Variants in SYT10 observed in about 807,000 individuals in gnomAD.
SYT10 encodes the protein synaptotagmin-10.
SYT10 carries 31 observed loss-of-function variants against 51.1 expected under a neutral mutation model. The ratio of observed to expected loss-of-function variants is 0.61; its 90% CI spans 0.46 to 0.82. The LOEUF (loss-of-function observed/expected upper bound fraction) is 0.82. Among genes scored for constraint, SYT10 ranks in the 40% least tolerant of loss-of-function variants. SYT10 has a pLI of 0.00. For missense variants in SYT10, 603 were observed against 634.0 expected (o/e 0.95, Z 0.53); for synonymous variants, 233 against 225.9 (o/e 1.03, Z -0.28).
chr12:33,401,962 A>G (rs1866310838), intron 3 of SYT10, among the ~76,000 whole-genome samples: 1 of 152,234 alleles, frequency 6.6e-6, no homozygotes, highest in Non-Finnish European at 1.5e-5. Flanking sequence ...AAATACCTGC[A>G]GAATGTTTAA....
intron 2 of SYT10, among the ~76,000 whole-genome samples, chr12:33,417,282 T>C (rs1866462535): frequency 6.6e-6 from 1 of 151,952 alleles, no homozygotes; most frequent in Non-Finnish European, 1.5e-5. Context: ...GATTAATGAG[T>C]TAATAGATTT....
At chr12:33,425,855 A>G (rs1866545915) in intron 2 of SYT10, among the ~76,000 whole-genome samples, 1 of 152,120 alleles carries the variant, frequency 6.6e-6, no homozygotes, top group African/African-American at 2.4e-5. Context: ...CTGTAGTTAC[A>G]CGATTTTACT....
At chr12:33,435,443 A>G (rs758291745) in intron 1 of SYT10, among the ~76,000 whole-genome samples, 2 of 152,224 alleles carry the variant, frequency 1.3e-5, no homozygotes, top group African/African-American at 2.4e-5. Flanking sequence ...GAGACTAGAC[A>G]TAGTAGAAGT....
chr12:33,414,998 G>A (rs1444760408), intron 2 of SYT10, among the ~76,000 whole-genome samples: 2 of 152,160 alleles, frequency 1.3e-5, no homozygotes, highest in Non-Finnish European at 2.9e-5. Flanking sequence ...GTTGACATGT[G>A]GTTAGAGTCC....
At chr12:33,397,043 G>A (rs1487889275) in intron 3 of SYT10, among the ~76,000 whole-genome samples, 1 of 152,182 alleles carries the variant, frequency 6.6e-6, no homozygotes, top group East Asian at 1.9e-4. Flanking sequence ...TTGAAGCCTT[G>A]TCTTATCATC....
At chr12:33,405,894 T>A (rs1032965084) in intron 3 of SYT10, 3 of 150,666 alleles carry the variant, frequency 2.0e-5, no homozygotes, top group African/African-American at 7.3e-5. Context: ...AAGAACATAA[T>A]TTTTCATATA....
chr12:33,382,875 A>G (rs140677497), intron 4 of SYT10, among the ~76,000 whole-genome samples: 1 of 152,284 alleles, frequency 6.6e-6, no homozygotes, highest in African/African-American at 2.4e-5. Context: ...TTGATAAGGA[A>G]CTTGGATGGA....
chr12:33,386,024 C>A (rs910369282), intron 3 of SYT10, among the ~76,000 whole-genome samples: 7 of 152,016 alleles, frequency 4.6e-5, no homozygotes, highest in African/African-American at 1.7e-4. Flanking sequence ...AAAACATCCC[C>A]GTCCACATTT....
At chr12:33,389,368 A>G (rs578168035) in intron 3 of SYT10, among the ~76,000 whole-genome samples, 2 of 152,296 alleles carry the variant, frequency 1.3e-5, no homozygotes, top group African/African-American at 2.4e-5. Context: ...CTTGAGTTTA[A>G]TTGCAAATAA....
chr12:33,384,822 G>A lies in SYT10; in HGVS notation c.1198+349C>T, dbSNP rs192863196. 7.9e-5 allele frequency among the ~76,000 whole-genome samples: 12 copies of A among 152,208 alleles called. No homozygotes were observed. The East Asian group carries it at 2.1e-3, about 27-fold the overall frequency. On this transcript the variant is annotated intron_variant, in intron 4 of 6. Transcript: ENST00000228567. ...ATTCAGACTAAACATATCTTCACAT[G>A]GCCTCACTCATCGCTTAAGCCTAAG...
intron 5 of SYT10, among the ~76,000 whole-genome samples, 186 bp from the exon 6 acceptor site, chr12:33,380,147 A>C (rs529097088): frequency 6.6e-6 from 1 of 152,344 alleles, no homozygotes; most frequent in South Asian, 2.1e-4. Flanking sequence ...ATCAACATTC[A>C]AAAAATGAAT....
intron 2 of SYT10, chr12:33,408,323 G>A (rs903097595): frequency 6.6e-6 from 1 of 151,658 alleles, no homozygotes; most frequent in Admixed American, 6.6e-5. Flanking sequence ...GAAACTCTAA[G>A]GATAAAAACA....
intron 2 of SYT10, among the ~76,000 whole-genome samples, chr12:33,424,185 AATTACTG>A (rs1866529539): frequency 1.3e-5 from 2 of 152,174 alleles, no homozygotes; most frequent in Admixed American, 1.3e-4. Context: ...AATTTCACAT[AATTACTG>A]AGAAATTCAT....
chr12:33,376,781 T>C lies in SYT10; in HGVS notation c.*49A>G, dbSNP rs1433754462. 2.4e-5 allele frequency: 39 copies of C among 1,604,756 alleles called. No homozygotes were observed. The highest frequency in any genetic ancestry group is 3.2e-5 in the Non-Finnish European group (37 of 1,172,670). On this transcript the variant is annotated 3_prime_UTR_variant, in exon 7 of 7. Coordinates refer to ENST00000228567, the MANE Select transcript of SYT10 (RefSeq NM_198992.4). Reference sequence around the variant, plus strand: ...ACCTTCCACTTTTTTTCTGATTCAATGAGCACGTGATCCTAGATGCTTAAT... The same window carrying C: ...ACCTTCCACTTTTTTTCTGATTCAACGAGCACGTGATCCTAGATGCTTAAT...
At chr12:33,431,631 T>C (rs1379138069) in intron 1 of SYT10, among the ~76,000 whole-genome samples, 3 of 152,214 alleles carry the variant, frequency 2.0e-5, no homozygotes, top group Non-Finnish European at 4.4e-5. Context: ...ATCTTAGTAT[T>C]GACGGCTTGT....
At chr12:33,390,724 G>A (rs552671618) in intron 3 of SYT10, among the ~76,000 whole-genome samples, 6 of 152,006 alleles carry the variant, frequency 3.9e-5, no homozygotes, top group African/African-American at 9.6e-5. Context: ...TCATTAGCAC[G>A]GTCATGTTTA....
intron 2 of SYT10, among the ~76,000 whole-genome samples, chr12:33,414,015 A>G (rs1446568705): frequency 1.3e-5 from 2 of 152,122 alleles, no homozygotes; most frequent in East Asian, 3.9e-4. Flanking sequence ...GAAAACAAAA[A>G]AAGGCAGGGG....
At chr12:33,422,941 A>G (rs1866518278) in intron 2 of SYT10, among the ~76,000 whole-genome samples, 1 of 152,160 alleles carries the variant, frequency 6.6e-6, no homozygotes, top group African/African-American at 2.4e-5. Flanking sequence ...AGATACGTTG[A>G]CTATACCCAG....
chr12:33,434,268 T>C (rs557529612), intron 1 of SYT10, among the ~76,000 whole-genome samples: 4 of 152,342 alleles, frequency 2.6e-5, no homozygotes, highest in South Asian at 2.1e-4. Flanking sequence ...CATGAGTATA[T>C]TGCTGACTGA....
Sources: allele counts gnomAD v4.1 joint callset (sites outside exome capture counted in the v4.1 genomes callset), GRCh38; gene constraint gnomAD v4.1.1; transcripts MANE v1.5; gene names NCBI Gene and HGNC (gene_info 2026-07-23, HGNC 2026-07-21).